Variants in SLC35F3 observed in about 807,000 individuals in gnomAD.
The protein encoded by SLC35F3 is solute carrier family 35 member F3, also known as putative thiamine transporter SLC35F3.
SLC35F3 carries 25 observed loss-of-function variants against 49.9 expected under a neutral mutation model. The observed-to-expected ratio is 0.50, with a 90% CI of 0.37 to 0.70. The LOEUF (loss-of-function observed/expected upper bound fraction) is 0.70. SLC35F3 is among the 30% of genes least tolerant of loss of function. The pLI, the probability that SLC35F3 is intolerant of heterozygous loss-of-function variation, is 0.00. For missense variants in SLC35F3, 525 were observed against 639.8 expected (o/e 0.82, Z 1.94); for synonymous variants, 275 against 265.4 (o/e 1.04, Z -0.35).
At chr1:234,194,025 G>A (rs1666768608) in intron 2 of SLC35F3, among the ~76,000 whole-genome samples, 1 of 152,164 alleles carries the variant, frequency 6.6e-6, no homozygotes, top group Admixed American at 6.5e-5. Flanking sequence ...AACCACTATG[G>A]AAAACAGTGT....
chr1:234,067,339 T>TA (rs1471645504), intron 2 of SLC35F3, among the ~76,000 whole-genome samples: 71 of 152,362 alleles, frequency 4.7e-4, no homozygotes, highest in African/African-American at 1.5e-3. Flanking sequence ...TAACTTACTA[T>TA]ATTAGGATAA....
intron 2 of SLC35F3, among the ~76,000 whole-genome samples, chr1:234,197,172 G>A (rs1666826425): frequency 6.6e-6 from 1 of 152,160 alleles, no homozygotes; most frequent in Non-Finnish European, 1.5e-5. Flanking sequence ...ACTCATCTGG[G>A]TTTGCTAACT....
chr1:233,974,988 TAGTTCAGGGACACC>T (rs1663056835), intron 2 of SLC35F3, among the ~76,000 whole-genome samples: 1 of 152,232 alleles, frequency 6.6e-6, no homozygotes, highest in Admixed American at 6.5e-5. Flanking sequence ...ATAAGCTATG[TAGTTCAGGGACACC>T]CCTGGGCATG....
chr1:234,003,718 G>A (rs1036183371), intron 2 of SLC35F3, among the ~76,000 whole-genome samples: 1 of 152,114 alleles, frequency 6.6e-6, no homozygotes, highest in Non-Finnish European at 1.5e-5. Flanking sequence ...CCAGGCTAAG[G>A]GAAGTTGTCA....
chr1:233,954,624 G>A (rs1367589675), intron 2 of SLC35F3, among the ~76,000 whole-genome samples: 3 of 152,148 alleles, frequency 2.0e-5, no homozygotes, highest in Admixed American at 1.3e-4. Context: ...CATAGGAGTC[G>A]CTTTCTAAAT....
At chr1:234,111,660 A>G (rs1665408348) in intron 2 of SLC35F3, among the ~76,000 whole-genome samples, 1 of 152,138 alleles carries the variant, frequency 6.6e-6, no homozygotes, top group African/African-American at 2.4e-5. Context: ...CGTGTGACCC[A>G]TGCTCCCTCT....
At chr1:234,240,038 A>G (rs1428992691) in intron 3 of SLC35F3, among the ~76,000 whole-genome samples, 1 of 152,212 alleles carries the variant, frequency 6.6e-6, no homozygotes, top group African/African-American at 2.4e-5. Flanking sequence ...GGGATTTCCT[A>G]ACCATCTTTG....
chr1:234,011,292 C>T (rs1270432889), intron 2 of SLC35F3, among the ~76,000 whole-genome samples: 1 of 152,188 alleles, frequency 6.6e-6, no homozygotes, highest in Admixed American at 6.5e-5. Flanking sequence ...CTCCAACCAA[C>T]ATGCAGTTCA....
chr1:234,189,126 C>T (rs1666692416), intron 2 of SLC35F3, among the ~76,000 whole-genome samples: 1 of 151,826 alleles, frequency 6.6e-6, no homozygotes, highest in African/African-American at 2.4e-5. Flanking sequence ...AAAAATAATT[C>T]TGGCAATATG....
intron 2 of SLC35F3, among the ~76,000 whole-genome samples, chr1:233,925,081 G>A (rs1439999512): frequency 2.0e-5 from 3 of 152,152 alleles, no homozygotes; most frequent in Non-Finnish European, 4.4e-5. Flanking sequence ...AATAGGTGTG[G>A]TGTGGTGCTG....
chr1:234,172,848 G>A (rs1422615432), intron 2 of SLC35F3, among the ~76,000 whole-genome samples: 6 of 152,146 alleles, frequency 3.9e-5, no homozygotes, highest in South Asian at 2.1e-4. Context: ...TCATATATGC[G>A]GTCTGTTGTT....
In SLC35F3 at chr1:234,316,520, C is replaced by T. The variant is rs969363066; in HGVS notation, c.829-82C>T. ...CCCTCACGTGGCTGAACCCCACGCACATTTCCAGCTCTTTGGCGCTTGCAT... is the reference window on the plus strand; with the variant it reads ...CCCTCACGTGGCTGAACCCCACGCATATTTCCAGCTCTTTGGCGCTTGCAT... On this transcript the variant is annotated intron_variant, in intron 4 of 7. Coordinates refer to ENST00000366618, the MANE Select transcript of SLC35F3 (RefSeq NM_173508.4). 6 of 1,518,722 alleles carry T rather than the reference C, an allele frequency of 4.0e-6. No individual in the cohort carries two copies. In the African/African-American group the frequency reaches 8.2e-5, roughly 21 times the overall value. The allele number at this position is 1,518,722 out of a possible 1,614,324, so 94.1% of individuals were successfully genotyped here. A position where few individuals can be genotyped will look rare whatever the true frequency, so the allele number is the denominator to read the frequency against.
intron 2 of SLC35F3, among the ~76,000 whole-genome samples, chr1:234,077,608 C>A (rs1203403210): frequency 1.3e-5 from 2 of 152,136 alleles, no homozygotes; most frequent in African/African-American, 4.8e-5. Context: ...GGACATAAAG[C>A]CTGACCATAC....
At chr1:234,059,584 G>A (rs1664507504) in intron 2 of SLC35F3, among the ~76,000 whole-genome samples, 1 of 146,018 alleles carries the variant, frequency 6.8e-6, no homozygotes, top group Admixed American at 6.9e-5. Flanking sequence ...TAGAGATAGA[G>A]CTAGAGCTAG....
chr1:234,188,395 T>C (rs1666679827), intron 2 of SLC35F3, among the ~76,000 whole-genome samples: 1 of 152,124 alleles, frequency 6.6e-6, no homozygotes, highest in South Asian at 2.1e-4. Context: ...TTTTGGGTTG[T>C]GCGGGAGCTG....
chr1:234,305,443 C>CACCA (rs1200530667), intron 3 of SLC35F3, among the ~76,000 whole-genome samples: 2 of 149,846 alleles, frequency 1.3e-5, no homozygotes, highest in African/African-American at 4.9e-5. Flanking sequence ...AATGCAGTGG[C>CACCA]ACCACCTTGG....
At chr1:234,306,872 A>C (rs1657210275) in intron 3 of SLC35F3, among the ~76,000 whole-genome samples, 1 of 152,186 alleles carries the variant, frequency 6.6e-6, no homozygotes, top group South Asian at 2.1e-4. Context: ...CAGAAGATGA[A>C]TTGTTTTTCA....
intron 2 of SLC35F3, among the ~76,000 whole-genome samples, chr1:234,000,130 C>A (rs1663528631): frequency 6.6e-6 from 1 of 152,166 alleles, no homozygotes; most frequent in South Asian, 2.1e-4. Flanking sequence ...TGAATACTCA[C>A]AGTGAATCAC....
chr1:234,117,967 T>TAG (rs1665518965), intron 2 of SLC35F3, among the ~76,000 whole-genome samples: 1 of 96,590 alleles, frequency 1.0e-5, no homozygotes, highest in Non-Finnish European at 2.1e-5. Flanking sequence ...TGTGTGTGTA[T>TAG]ATATATATAA....
Sources: gnomAD v4.1 joint callset for allele counts (sites outside exome capture counted in the v4.1 genomes callset) on GRCh38, gnomAD v4.1.1 for gene constraint, MANE v1.5 for transcripts, NCBI Gene and HGNC (gene_info 2026-07-23, HGNC 2026-07-21) for gene names.